Variants in NBEAL1 observed in about 807,000 individuals in gnomAD.
NBEAL1 encodes neurobeachin like 1, also known as neurobeachin-like protein 1.
In NBEAL1, 273 loss-of-function variants were observed where a neutral mutation model predicts 351.3. The ratio of observed to expected loss-of-function variants is 0.78; its 90% CI spans 0.70 to 0.86. NBEAL1 has a LOEUF of 0.86. Ranked by LOEUF, NBEAL1 falls within the 40% of genes least tolerant of loss-of-function variation. The pLI is 0.00. For missense variants in NBEAL1, 2,961 were observed against 3,201.3 expected (o/e 0.92, Z 1.81); for synonymous variants, 1,050 against 1,086.4 (o/e 0.97, Z 0.66).
chr2:203,076,251 G>A (rs1404144192), intron 7 of NBEAL1, among the ~76,000 whole-genome samples: 3 of 152,144 alleles, frequency 2.0e-5, no homozygotes, highest in African/African-American at 4.8e-5. Flanking sequence ...GGGAGGCTGA[G>A]GTGGGCAGAT....
intron 2 of NBEAL1, among the ~76,000 whole-genome samples, chr2:203,025,593 A>G (rs939325067): frequency 3.9e-5 from 6 of 152,208 alleles, no homozygotes; most frequent in African/African-American, 9.6e-5. Flanking sequence ...TATTTCTCCT[A>G]TATGCAAAAT....
chr2:203,198,592 G>T (rs557214126), intron 48 of NBEAL1, among the ~76,000 whole-genome samples: 4 of 152,042 alleles, frequency 2.6e-5, no homozygotes, highest in African/African-American at 4.8e-5. Context: ...TGGGCTGAGC[G>T]CAGTGGCTCA....
Position 203,084,478 on chromosome 2 carries a change from T to C in NBEAL1, c.1007T>C (p.Met336Thr). 6.7e-7 allele frequency: 1 copy of C among 1,496,406 alleles called. No homozygotes were observed. Among genetic ancestry groups the C allele is most frequent in the Non-Finnish European group, 8.9e-7 (1 of 1,122,694 alleles). The allele number at this position is 1,496,406 out of a possible 1,614,324, so 92.7% of individuals were successfully genotyped here. A position where few individuals can be genotyped will look rare whatever the true frequency, so the allele number is the denominator to read the frequency against. Reference sequence around the variant, plus strand: ...ATTTTCCTAGATACCATCACAGCCATGTTAGATTGTACAGATAGACCTGTT... The same window carrying C: ...ATTTTCCTAGATACCATCACAGCCACGTTAGATTGTACAGATAGACCTGTT... ...QIKMLNTITA[M>T]LDCTDRPVLQ... Residue 336 changes from methionine to threonine, a missense_variant, in exon 10 of 56, where the codon ATG becomes ACG. By Grantham distance (81) the Met-to-Thr change is moderately conservative (BLOSUM62 -1). Coordinates refer to ENST00000683969, the MANE Select transcript of NBEAL1 (RefSeq NM_001378026.1).
At chr2:203,102,996 G>A (rs760407671) in intron 12 of NBEAL1, among the ~76,000 whole-genome samples, 6 of 152,064 alleles carry the variant, frequency 3.9e-5, no homozygotes, top group Non-Finnish European at 8.8e-5. Context: ...CTCATTATTG[G>A]TCTTTACTGG....
chr2:203,198,856 C>CA (rs1039821587), intron 48 of NBEAL1, among the ~76,000 whole-genome samples: 368 of 97,512 alleles, frequency 3.8e-3, no homozygotes, highest in Middle Eastern at 6.9e-3. Flanking sequence ...GACTCTATCT[C>CA]AAAAAAAAAA....
In NBEAL1 at chr2:203,204,224, G is replaced by C. The variant is rs576300123; in HGVS notation, c.7506+1443G>C. ...TTACAGGTGTGAGCCACCGCACCCGGCCCCATACCCTCTTTTTTTTAAAAA... is the reference window on the plus strand; with the variant it reads ...TTACAGGTGTGAGCCACCGCACCCGCCCCCATACCCTCTTTTTTTTAAAAA... On this transcript the variant is annotated intron_variant, in intron 51 of 55. Coordinates refer to ENST00000683969, the MANE Select transcript of NBEAL1 (RefSeq NM_001378026.1). 5.5e-5 allele frequency among the ~76,000 whole-genome samples: 8 copies of C among 144,350 alleles called. No homozygotes were observed. In the South Asian group the frequency reaches 1.7e-3, roughly 31 times the overall value. 94.7% of individuals were successfully genotyped at this position (144,350 alleles called of 152,430 possible).
chr2:203,075,299 A>G (rs2061752213), intron 7 of NBEAL1, among the ~76,000 whole-genome samples: 1 of 152,218 alleles, frequency 6.6e-6, no homozygotes, highest in Non-Finnish European at 1.5e-5. Flanking sequence ...TTCATCATGA[A>G]TAACATTCCT....
At position 203,180,433 on chromosome 2, in the gene NBEAL1, T is replaced by G; in HGVS notation, c.6516T>G (p.Ala2172=). The G allele has an allele frequency of 6.2e-7, 1 of 1,612,696 alleles. No individual in the cohort carries two copies. The change falls in exon 43 of 56, where the codon GCT becomes GCG. Residue 2172 remains alanine, a synonymous_variant. Transcript: ENST00000683969. ...QFHSIPATWQ[A]LMDNPYDVKE... ...ATTCTATTCCTGCTACCTGGCAAGC[T>G]CTTATGGATAATCCATATGATGTTA... is the stretch of plus-strand genomic sequence containing the variant.
chr2:203,041,203 A>G (rs2061135182), intron 2 of NBEAL1, among the ~76,000 whole-genome samples: 1 of 152,174 alleles, frequency 6.6e-6, no homozygotes, highest in Admixed American at 6.5e-5. Context: ...TGAGTAACTC[A>G]AGCATTTGTA....
At chr2:203,183,095 C>T in intron 43 of NBEAL1, 184 bp from the exon 44 acceptor site, 2 of 383,502 alleles carry the variant, frequency 5.2e-6, no homozygotes, top group African/African-American at 2.1e-5. Context: ...TCTAATTTAC[C>T]TTATAATAGC....
chr2:203,111,086 A>G (rs897286886), intron 15 of NBEAL1, among the ~76,000 whole-genome samples: 2 of 152,010 alleles, frequency 1.3e-5, no homozygotes, highest in African/African-American at 4.8e-5. Context: ...ACACCTGTAA[A>G]CCCAGCACTT....
At chr2:203,162,002 TG>T in intron 36 of NBEAL1, among the ~76,000 whole-genome samples, 1 of 151,518 alleles carries the variant, frequency 6.6e-6, no homozygotes, top group Non-Finnish European at 1.5e-5. Context: ...GGTTTTGTTT[TG>T]TTTTGATTTG....
intron 2 of NBEAL1, chr2:203,040,182 C>G (rs905875943): frequency 5.3e-6 from 8 of 1,520,966 alleles, no homozygotes; most frequent in Middle Eastern, 2.3e-4. Context: ...CTTATCAAGC[C>G]CTCAAAGCCA....
At chr2:203,040,860 G>A in intron 2 of NBEAL1, 1 of 437,496 alleles carries the variant, frequency 2.3e-6, no homozygotes, top group Non-Finnish European at 4.4e-6. Context: ...ATGGCTATCG[G>A]GGTGAATGCA....
chr2:203,135,099 C>G (rs2063169533), intron 27 of NBEAL1, among the ~76,000 whole-genome samples: 1 of 151,394 alleles, frequency 6.6e-6, no homozygotes, highest in South Asian at 2.1e-4. Context: ...TTGCATGAAC[C>G]TAGGAGCCGG....
At chr2:203,202,506 G>A (rs2065428752) in intron 50 of NBEAL1, among the ~76,000 whole-genome samples, 181 bp from the exon 51 acceptor site, 1 of 152,166 alleles carries the variant, frequency 6.6e-6, no homozygotes, top group African/African-American at 2.4e-5. Flanking sequence ...TCTCCGAGGT[G>A]ATTTTGACAC....
intron 45 of NBEAL1, among the ~76,000 whole-genome samples, chr2:203,189,772 C>T (rs564001976): frequency 7.2e-5 from 11 of 151,872 alleles, no homozygotes; most frequent in Non-Finnish European, 1.2e-4. Flanking sequence ...ATGTTTGATG[C>T]GTTGCTGATT....
intron 54 of NBEAL1, among the ~76,000 whole-genome samples, chr2:203,211,988 G>A (rs1487760268): frequency 6.6e-6 from 1 of 152,048 alleles, no homozygotes; most frequent in Non-Finnish European, 1.5e-5. Context: ...CCAGGTTCAA[G>A]CGATTCTCCT....
chr2:203,212,606 CAAAAA>C (rs367786013), intron 54 of NBEAL1, among the ~76,000 whole-genome samples: 1 of 81,262 alleles, frequency 1.2e-5, no homozygotes, highest in Non-Finnish European at 2.5e-5. Context: ...GACTCCATCT[CAAAAA>C]AAAAAAAAAA....
Sources: allele counts gnomAD v4.1 joint callset (sites outside exome capture counted in the v4.1 genomes callset), GRCh38; gene constraint gnomAD v4.1.1; transcripts MANE v1.5; gene names NCBI Gene and HGNC (gene_info 2026-07-23, HGNC 2026-07-21).